SNX30: variants seen among roughly 807,000 people sequenced by gnomAD.
SNX30 encodes the protein sorting nexin-30.
SNX30 carries 24 observed loss-of-function variants against 46.4 expected under a neutral mutation model. The ratio of observed to expected loss-of-function variants is 0.52; its 90% CI spans 0.37 to 0.73. The LOEUF (loss-of-function observed/expected upper bound fraction) is 0.73. Among genes scored for constraint, SNX30 ranks in the 30% least tolerant of loss-of-function variants. The pLI, the probability that SNX30 is intolerant of heterozygous loss-of-function variation, is 0.00. For synonymous variants in SNX30, 189 were observed against 211.5 expected, an observed-to-expected ratio of 0.89 and a Z score of 0.92; for missense variants, 533 against 555.7, an observed-to-expected ratio of 0.96 and a Z score of 0.41.
At chr9:112,841,126 G>GTA (rs1443197190) in intron 6 of SNX30, among the ~76,000 whole-genome samples, 1 of 152,188 alleles carries the variant, frequency 6.6e-6, no homozygotes, top group Non-Finnish European at 1.5e-5. Context: ...TGTCTCTTAT[G>GTA]TATACACACC....
rs1288041970 is a variant in SNX30, at chr9:112,830,884, G to A, written c.618+1G>A. 1.2e-6 allele frequency: 2 copies of A among 1,603,520 alleles called. No individual in the cohort carries two copies. The highest frequency in any genetic ancestry group is 2.7e-5 in the African/African-American group (2 of 74,130). ...CTTTAATATTTTCCTTACTGCTAAG[G>A]TAAGGGCAGAAATTTACATCCTCTT... On this transcript the variant is annotated splice_donor_variant, in intron 4 of 8. Transcript: ENST00000374232. LOFTEE classifies it high-confidence loss of function.
At chr9:112,751,289 G>A in intron 1 of SNX30, 132 bp downstream of exon 1, 1 of 1,139,234 alleles carries the variant, frequency 8.8e-7, no homozygotes, top group Non-Finnish European at 1.1e-6. Flanking sequence ...GCGTGTCCTG[G>A]CCCCGGAGCC....
chr9:112,793,797 G>GTTTT (rs200559435), intron 1 of SNX30, among the ~76,000 whole-genome samples: 13 of 137,144 alleles, frequency 9.5e-5, no homozygotes, highest in South Asian at 4.4e-4. Context: ...TACCTCCACT[G>GTTTT]TTTTTTGTTT....
intron 5 of SNX30, among the ~76,000 whole-genome samples, chr9:112,837,279 T>C (rs1237192558): frequency 2.0e-5 from 3 of 151,936 alleles, no homozygotes; most frequent in Non-Finnish European, 4.4e-5. Flanking sequence ...GTGGGGCCCA[T>C]AGGTTTTGGA....
chr9:112,776,698 C>T (rs2131370877), intron 1 of SNX30, among the ~76,000 whole-genome samples: 1 of 152,318 alleles, frequency 6.6e-6, no homozygotes, highest in African/African-American at 2.4e-5. Context: ...AGCCTTTGCC[C>T]TGGCTGTGGT....
At chr9:112,771,114 ATACTTGGTT>A (rs56983732) in intron 1 of SNX30, among the ~76,000 whole-genome samples, 132,733 of 151,710 alleles carry the variant, frequency 0.87, 58,207 homozygotes, top group Middle Eastern at 0.91. Flanking sequence ...ACCACCAGAC[ATACTTGGTT>A]TACTTTCTCC....
intron 7 of SNX30, among the ~76,000 whole-genome samples, chr9:112,855,838 G>A (rs1841117704): frequency 6.6e-6 from 1 of 152,186 alleles, no homozygotes; most frequent in Non-Finnish European, 1.5e-5. Flanking sequence ...CTTAGCAGGG[G>A]CTGGCTGCCT....
chr9:112,843,083 C>T (rs561522415), intron 6 of SNX30, among the ~76,000 whole-genome samples: 1 of 152,314 alleles, frequency 6.6e-6, no homozygotes, highest in African/African-American at 2.4e-5. Context: ...CACCACTTTT[C>T]TGGCAGTGCC....
intron 6 of SNX30, among the ~76,000 whole-genome samples, chr9:112,849,204 A>T (rs1003492790): frequency 4.1e-4 from 62 of 152,180 alleles, no homozygotes; most frequent in African/African-American, 1.5e-3. Flanking sequence ...GATTTTTACT[A>T]CTGCTGTATC....
At chr9:112,866,638 A>C in intron 8 of SNX30, 1 of 434,764 alleles carries the variant, frequency 2.3e-6, no homozygotes, top group East Asian at 7.4e-5. Flanking sequence ...CAATTTCACC[A>C]CTCTTCTTTC....
intron 7 of SNX30, among the ~76,000 whole-genome samples, chr9:112,863,177 G>T (rs1305678225): frequency 6.6e-6 from 1 of 152,226 alleles, no homozygotes; most frequent in Non-Finnish European, 1.5e-5. Context: ...TCAGCTCCTT[G>T]TCCACGAGGC....
intron 8 of SNX30, among the ~76,000 whole-genome samples, chr9:112,866,688 G>C (rs1263210156): frequency 6.6e-6 from 1 of 151,740 alleles, no homozygotes; most frequent in Non-Finnish European, 1.5e-5. Flanking sequence ...TCCCTCCTCA[G>C]AACTTCTCCC....
intron 1 of SNX30, among the ~76,000 whole-genome samples, chr9:112,795,191 TGAGA>T (rs1219137200): frequency 6.6e-6 from 1 of 152,022 alleles, no homozygotes; most frequent in Admixed American, 6.6e-5. Flanking sequence ...TGTGTGTGTA[TGAGA>T]GAGAGAGAAT....
chr9:112,879,973 C>G (rs1841557870), downstream of SNX30: 2 of 575,962 alleles, frequency 3.5e-6, no homozygotes, highest in Non-Finnish European at 3.2e-6. Flanking sequence ...TGTGACCCAT[C>G]TCCCTGCAGC....
At chr9:112,768,248 C>A (rs1839577825) in intron 1 of SNX30, among the ~76,000 whole-genome samples, 1 of 152,180 alleles carries the variant, frequency 6.6e-6, no homozygotes, top group Non-Finnish European at 1.5e-5. Flanking sequence ...CATGCGAATT[C>A]TTGCTTTCCC....
intron 1 of SNX30, among the ~76,000 whole-genome samples, chr9:112,768,918 G>A (rs893160002): frequency 1.8e-4 from 27 of 152,046 alleles, no homozygotes; most frequent in African/African-American, 4.8e-4. Context: ...GCCTCCCAAA[G>A]TGCTGGGACT....
At chr9:112,857,518 C>T (rs1302924219) in intron 7 of SNX30, among the ~76,000 whole-genome samples, 1 of 152,208 alleles carries the variant, frequency 6.6e-6, no homozygotes, top group African/African-American at 2.4e-5. Flanking sequence ...CCTGCTCACT[C>T]AGCAGCGTGT....
chr9:112,787,843 G>GTAGA (rs1180590487), intron 1 of SNX30, among the ~76,000 whole-genome samples: 1 of 151,552 alleles, frequency 6.6e-6, no homozygotes, highest in African/African-American at 2.4e-5. Flanking sequence ...GTCGCCCAGG[G>GTAGA]TAGAGTACAG....
intron 3 of SNX30, among the ~76,000 whole-genome samples, chr9:112,824,890 G>A (rs1028286358): frequency 5.9e-5 from 9 of 152,116 alleles, no homozygotes; most frequent in South Asian, 2.1e-4. Flanking sequence ...GGTGTTGTAC[G>A]ACCATCACCA....
Sources: allele counts gnomAD v4.1 joint callset (sites outside exome capture counted in the v4.1 genomes callset), GRCh38; gene constraint gnomAD v4.1.1; transcripts MANE v1.5; gene names NCBI Gene and HGNC (gene_info 2026-07-23, HGNC 2026-07-21).